The following TCAIM variants were observed in gnomAD, a reference collection of about 807,000 sequenced individuals.
TCAIM encodes T-cell activation inhibitor, mitochondrial.
In TCAIM, 36 loss-of-function variants were observed where a neutral mutation model predicts 58.6. The ratio of observed to expected loss-of-function variants is 0.61; its 90% CI spans 0.47 to 0.81. The LOEUF is 0.81. Among genes scored for constraint, TCAIM ranks in the 30% least tolerant of loss-of-function variants. The pLI is 0.00. For missense variants in TCAIM, 466 were observed against 579.6 expected (o/e 0.80, Z 2.01); for synonymous variants, 172 against 193.6 (o/e 0.89, Z 0.93).
Position 44,367,349 on chromosome 3 carries a change from C to T in TCAIM, c.320-107C>T, listed in dbSNP as rs191571181. The T allele has an allele frequency of 1.3e-3, 1,740 of 1,309,500 alleles. 49 individuals carry two copies. The South Asian group carries it at 0.029, about 22-fold the overall frequency. The allele number at this position is 1,309,500 out of a possible 1,614,324, so 81.1% of individuals were successfully genotyped here. ...ATTTACAGGTGATTTGCTAATAGGA[C>T]GAATTTAAATCAGTAATAGAATGTT... On this transcript the variant is annotated intron_variant, in intron 4 of 10. Coordinates refer to ENST00000342649, the MANE Select transcript of TCAIM (RefSeq NM_173826.4).
chr3:44,400,219 TC>T, intron 8 of TCAIM, 135 bp from the exon 9 acceptor site: 2 of 672,162 alleles, frequency 3.0e-6, no homozygotes, highest in Non-Finnish European at 4.9e-6. Context: ...AGTTTTTTTA[TC>T]TCTTACTTGA....
rs189697121 is a variant in TCAIM at position 44,341,393 on chromosome 3, A to G, written c.-45+2559A>G. 13 of 152,264 alleles carry G rather than the reference A, an allele frequency of 8.5e-5. No homozygotes were observed. In the East Asian group the frequency reaches 1.7e-3, roughly 20 times the overall value. The allele number at this position is 152,264 out of a possible 1,614,324, so 9.4% of individuals were successfully genotyped here. A position where few individuals can be genotyped will look rare whatever the true frequency, so the allele number is the denominator to read the frequency against. On this transcript the variant is annotated intron_variant, in intron 1 of 10. Coordinates refer to ENST00000342649, the MANE Select transcript of TCAIM (RefSeq NM_173826.4). The stretch of plus-strand genomic sequence containing the variant: ...GTGTTTTTATTGGTTAGCAAGTGCC[A>G]CCTTTGTCTTCAAATGGTAAAAGTA...
intron 10 of TCAIM, among the ~76,000 whole-genome samples, chr3:44,407,216 C>T (rs1702114278): frequency 6.6e-6 from 1 of 152,100 alleles, no homozygotes; most frequent in African/African-American, 2.4e-5. Flanking sequence ...AAAACATTAA[C>T]AAATACTTTT....
chr3:44,367,163 G>T (rs1169384951), intron 4 of TCAIM, among the ~76,000 whole-genome samples: 10 of 152,182 alleles, frequency 6.6e-5, no homozygotes, highest in African/African-American at 2.2e-4. Flanking sequence ...AATCCCCTTG[G>T]TGGGCTGGGA....
At chr3:44,396,644 C>G (rs1380036122) in intron 7 of TCAIM, 99 bp from the exon 8 acceptor site, 7 of 1,443,010 alleles carry the variant, frequency 4.9e-6, no homozygotes, top group Non-Finnish European at 6.7e-6. Flanking sequence ...AGCCTTTAAG[C>G]TTCTACTGAA....
At chr3:44,358,711 G>T (rs763965115) in intron 3 of TCAIM, 14 of 986,022 alleles carry the variant, frequency 1.4e-5, no homozygotes, top group African/African-American at 3.5e-5. Flanking sequence ...ATCCCCTATG[G>T]ATACCAAGGG....
rs1702006441 is a variant in TCAIM, at chr3:44,400,535, A to G, written c.1066A>G (p.Arg356Gly). Residue 356 changes from arginine (R) to glycine (G), a missense_variant, in exon 9 of 11, where the codon AGA (arginine) becomes GGA (glycine). Physicochemically the swap from Arg to Gly is moderately radical, Grantham distance 125 (BLOSUM62 -2). Coordinates refer to ENST00000342649, the MANE Select transcript of TCAIM (RefSeq NM_173826.4). ...GTTTTATAATAGACTGTTGAAAAGT[A>G]GAATACTATTTCACCCTCGAAGTTT... The part of the protein sequence containing the change: ...DVFYNRLLKS[R>G]ILFHPRSLRG... 6.2e-7 allele frequency: 1 copy of G among 1,613,658 alleles called. No individual in the cohort carries two copies. The highest frequency in any genetic ancestry group is 8.5e-7 in the Non-Finnish European group (1 of 1,179,890).
chr3:44,360,752 T>C (rs1169183106), intron 3 of TCAIM, among the ~76,000 whole-genome samples: 1 of 151,940 alleles, frequency 6.6e-6, no homozygotes, highest in African/African-American at 2.4e-5. Flanking sequence ...ACCACAAGCA[T>C]GTACCACCGT....
Position 44,400,574 on chromosome 3 carries a change from A to G in TCAIM, c.1105A>G (p.Met369Val), listed in dbSNP as rs1702007516. Residue 369 changes from methionine (M) to valine (V), a missense_variant, in exon 9 of 11, where the codon ATG becomes GTG. Transcript: ENST00000342649. ...FHPRSLRGLQ[M>V]ILNSDRYAPS... The stretch of plus-strand genomic sequence containing the variant: ...CCCTCGAAGTTTGCGTGGTTTACAA[A>G]TGATCCTTAACAGGTAAATATCTAA... The G allele has an allele frequency of 1.9e-6, 3 of 1,612,646 alleles. No homozygotes were observed. Among genetic ancestry groups the G allele is most frequent in the Non-Finnish European group, 2.5e-6 (3 of 1,179,078 alleles).
At chr3:44,358,655 C>A in intron 3 of TCAIM, 1 of 703,006 alleles carries the variant, frequency 1.4e-6, no homozygotes, top group Non-Finnish European at 1.8e-6. Context: ...ATATGAGAGA[C>A]TTGAGCATTC....
intron 6 of TCAIM, among the ~76,000 whole-genome samples, chr3:44,395,762 A>C (rs1265667236): frequency 1.3e-5 from 2 of 152,258 alleles, no homozygotes; most frequent in Admixed American, 6.5e-5. Flanking sequence ...AGGCGGGTGG[A>C]TCACTTGAGC....
intron 10 of TCAIM, among the ~76,000 whole-genome samples, chr3:44,406,766 T>C (rs1337297214): frequency 6.6e-6 from 1 of 152,196 alleles, no homozygotes; most frequent in Non-Finnish European, 1.5e-5. Flanking sequence ...GAGTAACTCA[T>C]GTGTTGGTCT....
In TCAIM at chr3:44,407,648, CTTGGAA is replaced by C; in HGVS notation, c.1464_1469del (p.Asn488_Trp489del). 2 of 1,608,286 alleles carry C rather than the reference CTTGGAA, an allele frequency of 1.2e-6. No individual in the cohort carries two copies. The highest frequency in any genetic ancestry group is 1.7e-6 in the Non-Finnish European group (2 of 1,178,102). On this transcript the variant is annotated inframe_deletion, in exon 11 of 11. Coordinates refer to ENST00000342649, the MANE Select transcript of TCAIM (RefSeq NM_173826.4). ...ATGCAAGATGGAGACCTTTGTATTC[CTTGGAA>C]TTGGAAGAATGGAGAAGCCATTAAG...
intron 3 of TCAIM, 112 bp downstream of exon 3, chr3:44,357,988 A>T: frequency 7.1e-7 from 1 of 1,416,404 alleles, no homozygotes; most frequent in Non-Finnish European, 9.4e-7. Context: ...GTGGTGATAT[A>T]ATCAATGCTT....
chr3:44,350,127 G>A (rs1172795932), intron 1 of TCAIM, among the ~76,000 whole-genome samples: 1 of 151,856 alleles, frequency 6.6e-6, no homozygotes, highest in Non-Finnish European at 1.5e-5. Context: ...CGAAAAGAGA[G>A]TCAGCAAAGG....
chr3:44,384,860 T>C (rs2125647377), intron 5 of TCAIM, among the ~76,000 whole-genome samples: 1 of 152,340 alleles, frequency 6.6e-6, no homozygotes, highest in East Asian at 1.9e-4. Flanking sequence ...CATGCATTGT[T>C]TAGAGGAGAT....
intron 3 of TCAIM, chr3:44,359,075 T>C: frequency 2.0e-6 from 2 of 983,312 alleles, no homozygotes; most frequent in Non-Finnish European, 2.4e-6. Flanking sequence ...ATTCTACCAA[T>C]GTATTTTTTT....
intron 2 of TCAIM, among the ~76,000 whole-genome samples, chr3:44,355,207 C>G (rs1239238333): frequency 6.6e-6 from 1 of 151,798 alleles, no homozygotes; most frequent in Non-Finnish European, 1.5e-5. Flanking sequence ...TGCCTCCTGG[C>G]GCATGGCAGG....
rs116071150 is a variant in TCAIM, at chr3:44,379,618, C to T, written c.572+11910C>T. Among the ~76,000 whole-genome samples, 395 of 152,146 alleles carry T rather than the reference C, an allele frequency of 2.6e-3. 2 individuals are homozygous for T. The highest frequency in any genetic ancestry group is 9.1e-3 in the African/African-American group (378 of 41,500). On this transcript the variant is annotated intron_variant, in intron 5 of 10. Transcript: ENST00000342649. ...GCCATTATCCTTAGCAAACTAATGC[C>T]GTGACAGAAAACCAAATACCACATG...
Sources: gnomAD v4.1 joint callset for allele counts (sites outside exome capture counted in the v4.1 genomes callset) on GRCh38, gnomAD v4.1.1 for gene constraint, MANE v1.5 for transcripts, NCBI Gene and HGNC (gene_info 2026-07-23, HGNC 2026-07-21) for gene names.